SLX4IP: variants seen among roughly 807,000 people sequenced by gnomAD.
SLX4IP encodes the protein protein SLX4IP.
In SLX4IP, 34 loss-of-function variants were observed where a neutral mutation model predicts 32.9. That is an observed-to-expected ratio of 1.03 (90% confidence interval 0.79 to 1.38). SLX4IP has a LOEUF of 1.38. Ranked by LOEUF, SLX4IP falls within the 40% of genes most tolerant of loss-of-function variation. The pLI is 0.00. For missense variants in SLX4IP, 444 were observed against 479.0 expected (o/e 0.93, Z 0.68); for synonymous variants, 172 against 171.7 (o/e 1.00, Z -0.01).
intron 2 of SLX4IP, among the ~76,000 whole-genome samples, chr20:10,498,324 G>T (rs2065686869): frequency 6.6e-6 from 1 of 151,964 alleles, no homozygotes; most frequent in Admixed American, 6.6e-5. Context: ...TCTGTTAGCA[G>T]AAGTTTTCCT....
intron 2 of SLX4IP, among the ~76,000 whole-genome samples, chr20:10,542,617 T>C (rs1257112940): frequency 1.3e-5 from 2 of 152,250 alleles, no homozygotes; most frequent in African/African-American, 4.8e-5. Context: ...TCCCGGCCAC[T>C]GCTGTTAAGG....
At position 10,458,181 on chromosome 20, in the gene SLX4IP, T is replaced by C; in HGVS notation, c.-24T>C. 1 of 1,572,618 alleles carries C rather than the reference T, an allele frequency of 6.4e-7. No individual in the cohort carries two copies. Reference sequence around the variant, plus strand: ...AACTTTTTTTTTTCTTAAAGGTCTGTAGTTACTGTGGAATCAATAAGCCAT... The same window carrying C: ...AACTTTTTTTTTTCTTAAAGGTCTGCAGTTACTGTGGAATCAATAAGCCAT... On this transcript the variant is annotated 5_prime_UTR_variant, in exon 2 of 8. Coordinates refer to ENST00000334534, the MANE Select transcript of SLX4IP (RefSeq NM_001009608.3).
chr20:10,436,293 A>T (rs1042979819), intron 1 of SLX4IP, among the ~76,000 whole-genome samples: 1 of 152,156 alleles, frequency 6.6e-6, no homozygotes, highest in Non-Finnish European at 1.5e-5. Flanking sequence ...ATCTTCCTCA[A>T]GAAGTGTACC....
At chr20:10,452,806 G>C (rs1238328631) in intron 1 of SLX4IP, among the ~76,000 whole-genome samples, 11 of 151,204 alleles carry the variant, frequency 7.3e-5, no homozygotes. Context: ...AGCCTAGATT[G>C]AGCCACTGCA....
Position 10,624,632 on chromosome 20 carries a change from A to C in SLX4IP, c.*1253A>C, listed in dbSNP as rs1395021105. 1.3e-5 allele frequency: 2 copies of C among 152,132 alleles called. No individual in the cohort carries two copies. The highest frequency in any genetic ancestry group is 2.9e-5 in the Non-Finnish European group (2 of 68,036). 9.4% of individuals were successfully genotyped at this position (152,132 alleles called of 1,614,324 possible). A position where few individuals can be genotyped will look rare whatever the true frequency, so the allele number is the denominator to read the frequency against. On this transcript the variant is annotated 3_prime_UTR_variant, in exon 8 of 8. Coordinates refer to ENST00000334534, the MANE Select transcript of SLX4IP (RefSeq NM_001009608.3). ...CTCCCCTAAGTAATAAGGAAAACCA[A>C]GTATATTCCCTAAAGTGTTGAAGTT...
intron 4 of SLX4IP, among the ~76,000 whole-genome samples, chr20:10,564,667 A>G (rs990217271): frequency 2.0e-5 from 3 of 152,212 alleles, no homozygotes; most frequent in East Asian, 1.9e-4. Context: ...TTCCAATTAT[A>G]TGATATAAAG....
chr20:10,591,305 G>A (rs1372576279), intron 4 of SLX4IP, among the ~76,000 whole-genome samples: 1 of 152,228 alleles, frequency 6.6e-6, no homozygotes, highest in Non-Finnish European at 1.5e-5. Context: ...TGAACTAGGA[G>A]ACTTCCAAGG....
chr20:10,482,025 A>G (rs559500997), intron 2 of SLX4IP, among the ~76,000 whole-genome samples: 2 of 152,324 alleles, frequency 1.3e-5, no homozygotes, highest in East Asian at 3.9e-4. Context: ...CCAAAGTGAT[A>G]TCCCATAATC....
At chr20:10,612,544 G>T (rs1461810291) in intron 6 of SLX4IP, among the ~76,000 whole-genome samples, 1 of 152,028 alleles carries the variant, frequency 6.6e-6, no homozygotes, top group East Asian at 1.9e-4. Context: ...ACTCTGGTTG[G>T]GTTACTATTA....
chr20:10,562,070 A>G (rs2066338362), intron 4 of SLX4IP, among the ~76,000 whole-genome samples: 1 of 152,212 alleles, frequency 6.6e-6, no homozygotes, highest in African/African-American at 2.4e-5. Context: ...TCTAGGGTTG[A>G]GTGTTTACAG....
At position 10,518,538 on chromosome 20, in the gene SLX4IP, CT is replaced by C. The variant is rs1568720466; in HGVS notation, c.28-37691del. 1.2e-3 allele frequency among the ~76,000 whole-genome samples: 120 copies of C among 96,694 alleles called. 3 individuals carry two copies. The highest frequency in any genetic ancestry group is 4.0e-3 in the African/African-American group (115 of 28,544). 63.4% of individuals were successfully genotyped at this position (96,694 alleles called of 152,430 possible). ...CCTTCCTTCCTTCCTTCCTTCCTTC[CT>C]TCCTTCCTTCCTTTCCTTCTTTCTT... is the stretch of plus-strand genomic sequence containing the variant. On this transcript the variant is annotated intron_variant, in intron 2 of 7. Coordinates refer to ENST00000334534, the MANE Select transcript of SLX4IP (RefSeq NM_001009608.3).
intron 6 of SLX4IP, among the ~76,000 whole-genome samples, chr20:10,607,971 GC>G (rs1255723614): frequency 6.6e-6 from 1 of 152,182 alleles, no homozygotes; most frequent in Non-Finnish European, 1.5e-5. Context: ...AAGGGAACCT[GC>G]CCTTTGCTGA....
intron 6 of SLX4IP, chr20:10,613,838 C>T: frequency 6.2e-7 from 1 of 1,606,062 alleles, no homozygotes; most frequent in East Asian, 2.2e-5. Context: ...TAATATCAGC[C>T]AGCTCTTCTT....
intron 1 of SLX4IP, among the ~76,000 whole-genome samples, chr20:10,441,654 AG>A (rs1162175634): frequency 6.6e-6 from 1 of 152,128 alleles, no homozygotes; most frequent in Non-Finnish European, 1.5e-5. Flanking sequence ...TTAGTGACAA[AG>A]GATTTTTAAA....
chr20:10,534,580 T>A (rs2066021402), intron 2 of SLX4IP, among the ~76,000 whole-genome samples: 1 of 152,048 alleles, frequency 6.6e-6, no homozygotes, highest in Admixed American at 6.5e-5. Flanking sequence ...GAAGAAGGAA[T>A]GGGGAGCTCC....
chr20:10,458,444 G>T (rs1429566145), intron 2 of SLX4IP, among the ~76,000 whole-genome samples: 1 of 151,980 alleles, frequency 6.6e-6, no homozygotes. Flanking sequence ...ACAGTGGTTT[G>T]TTGCACAGAT....
At chr20:10,524,280 A>G (rs186724000) in intron 2 of SLX4IP, among the ~76,000 whole-genome samples, 509 of 152,362 alleles carry the variant, frequency 3.3e-3, no homozygotes, top group South Asian at 0.025. Flanking sequence ...CGTTCCTCTC[A>G]GCTGCTGCTC....
chr20:10,577,314 A>G (rs1394279833), intron 4 of SLX4IP, among the ~76,000 whole-genome samples: 1 of 152,096 alleles, frequency 6.6e-6, no homozygotes, highest in Non-Finnish European at 1.5e-5. Flanking sequence ...TCCCCCCTTC[A>G]TTTTTAGCTT....
chr20:10,548,487 C>T (rs773329817), intron 2 of SLX4IP, among the ~76,000 whole-genome samples: 3 of 152,202 alleles, frequency 2.0e-5, no homozygotes, highest in Non-Finnish European at 4.4e-5. Context: ...GATCCTCCCG[C>T]CTTGGCCTCA....
Sources: allele counts gnomAD v4.1 joint callset (sites outside exome capture counted in the v4.1 genomes callset), GRCh38; gene constraint gnomAD v4.1.1; transcripts MANE v1.5; gene names NCBI Gene and HGNC (gene_info 2026-07-23, HGNC 2026-07-21).